ATP8B4: variants seen among roughly 807,000 people sequenced by gnomAD.
ATP8B4 encodes the protein ATPase phospholipid transporting 8B4 (putative).
In ATP8B4, 133 loss-of-function variants were observed where a neutral mutation model predicts 145.6. That is an observed-to-expected ratio of 0.91 (90% confidence interval 0.79 to 1.05). The LOEUF is 1.05. ATP8B4 is among the 50% of genes least tolerant of loss of function. ATP8B4 has a pLI of 0.00. For synonymous variants in ATP8B4, 507 were observed against 492.9 expected, an observed-to-expected ratio of 1.03 and a Z score of -0.38; for missense variants, 1,458 against 1,425.2, an observed-to-expected ratio of 1.02 and a Z score of -0.37.
At chr15:49,918,795 T>C in intron 19 of ATP8B4, 44 bp downstream of exon 19, 1 of 1,408,456 alleles carries the variant, frequency 7.1e-7, no homozygotes, top group Non-Finnish European at 1.0e-6. Context: ...ATATAAGTCA[T>C]CTCCCCATTT....
At chr15:50,086,011 T>A (rs1243657339) in intron 2 of ATP8B4, among the ~76,000 whole-genome samples, 1 of 72,866 alleles carries the variant, frequency 1.4e-5, no homozygotes, top group Non-Finnish European at 2.4e-5. Context: ...ATATATAATA[T>A]ATATAGATCT....
intron 1 of ATP8B4, among the ~76,000 whole-genome samples, chr15:50,108,113 T>C (rs924684454): frequency 3.3e-5 from 5 of 152,066 alleles, no homozygotes. Flanking sequence ...TCATCAAATA[T>C]GACCCCATCA....
chr15:49,861,402 A>ATG (rs58396806), intron 27 of ATP8B4, among the ~76,000 whole-genome samples: 8,602 of 95,126 alleles, frequency 0.09, 459 homozygotes, highest in Middle Eastern at 0.15. Context: ...TTAAAAAAAA[A>ATG]TGTGTGTGTG....
chr15:50,051,891 T>C (rs774401132), intron 3 of ATP8B4, among the ~76,000 whole-genome samples: 1 of 152,198 alleles, frequency 6.6e-6, no homozygotes, highest in Non-Finnish European at 1.5e-5. Flanking sequence ...ACAGAAACTA[T>C]GACAATTTTC....
At chr15:50,088,130 G>A (rs757459826) in intron 2 of ATP8B4, among the ~76,000 whole-genome samples, 2 of 152,096 alleles carry the variant, frequency 1.3e-5, no homozygotes, top group African/African-American at 2.4e-5. Context: ...GCTCACACCT[G>A]TAATCCCAGC....
At chr15:50,071,534 G>A (rs1278761784) in intron 3 of ATP8B4, among the ~76,000 whole-genome samples, 2 of 152,130 alleles carry the variant, frequency 1.3e-5, no homozygotes, top group African/African-American at 2.4e-5. Flanking sequence ...AGTTATTGCT[G>A]GGTATTTTTC....
At chr15:50,082,038 T>C (rs886576851) in intron 2 of ATP8B4, among the ~76,000 whole-genome samples, 2 of 152,232 alleles carry the variant, frequency 1.3e-5, no homozygotes, top group African/African-American at 4.8e-5. Context: ...TGTGGGTTTT[T>C]TGGGGTTGGG....
intron 6 of ATP8B4, among the ~76,000 whole-genome samples, chr15:50,023,455 C>A (rs1324773431): frequency 6.6e-6 from 1 of 152,118 alleles, no homozygotes; most frequent in African/African-American, 2.4e-5. Context: ...CAGTCCTTTG[C>A]ATATTTGTTT....
chr15:49,893,419 C>T (rs2037044299), intron 23 of ATP8B4, among the ~76,000 whole-genome samples: 1 of 152,088 alleles, frequency 6.6e-6, no homozygotes, highest in East Asian at 1.9e-4. Context: ...TAGATGGATA[C>T]ATGGATAAAC....
Position 50,027,383 on chromosome 15 carries a change from A to G in ATP8B4, c.362+11385T>C, listed in dbSNP as rs556492992. The stretch of plus-strand genomic sequence containing the variant: ...ATTTAAATATGGGATGGATGGGTGG[A>G]TGGATGGATGGATGGATGGATGGAT... On this transcript the variant is annotated intron_variant, in intron 6 of 27. Coordinates refer to ENST00000284509, the MANE Select transcript of ATP8B4 (RefSeq NM_024837.4). Among the ~76,000 whole-genome samples the G allele has an allele frequency of 1.0e-3, 151 of 150,090 alleles. 1 individual carries two copies. The highest frequency in any genetic ancestry group is 1.8e-3 in the Non-Finnish European group (125 of 67,826).
chr15:49,958,585 A>G lies in ATP8B4; in HGVS notation c.1287+3392T>C, dbSNP rs527793654. Among the ~76,000 whole-genome samples the G allele has an allele frequency of 2.4e-4, 37 of 152,020 alleles. No individual in the cohort carries two copies. The South Asian group carries it at 7.2e-3, about 30-fold the overall frequency. On this transcript the variant is annotated intron_variant, in intron 14 of 27. Transcript: ENST00000284509. ...AAGAACCACAGATAAAGAGGAAATT[A>G]AAAGACCTATGAGTCTTTTCAAATA...
intron 1 of ATP8B4, among the ~76,000 whole-genome samples, chr15:50,147,014 G>A (rs898947743): frequency 1.3e-5 from 2 of 152,226 alleles, no homozygotes; most frequent in African/African-American, 4.8e-5. Context: ...CATTATGGGA[G>A]GGTTGTTTTT....
chr15:50,075,035 C>T (rs2054087479), intron 2 of ATP8B4, among the ~76,000 whole-genome samples: 1 of 152,072 alleles, frequency 6.6e-6, no homozygotes, highest in East Asian at 1.9e-4. Context: ...GTGACTTGAC[C>T]CTCTCACCAT....
Position 50,090,813 on chromosome 15 carries a change from C to T in ATP8B4, c.28+16126G>A, listed in dbSNP as rs2055563316. On this transcript the variant is annotated intron_variant, in intron 2 of 27. Coordinates refer to ENST00000284509, the MANE Select transcript of ATP8B4 (RefSeq NM_024837.4). ...GTGTTACCAGGGCTGGTCTCAAACT[C>T]TTGGGCTCAAAAGATTCTCTAGCCT... Among the ~76,000 whole-genome samples the T allele has an allele frequency of 2.0e-5, 3 of 151,726 alleles. No individual in the cohort carries two copies. The South Asian group carries it at 6.2e-4, about 31-fold the overall frequency.
chr15:50,162,699 G>C (rs1028285147), intron 1 of ATP8B4, among the ~76,000 whole-genome samples: 1 of 151,856 alleles, frequency 6.6e-6, no homozygotes, highest in African/African-American at 2.4e-5. Flanking sequence ...GTAGAGGCGG[G>C]GTTTCACTGT....
chr15:50,083,086 C>T (rs958846421), intron 2 of ATP8B4, among the ~76,000 whole-genome samples: 1 of 152,148 alleles, frequency 6.6e-6, no homozygotes, highest in South Asian at 2.1e-4. Flanking sequence ...AAATGCAATA[C>T]TCCAGATGTA....
intron 1 of ATP8B4, among the ~76,000 whole-genome samples, chr15:50,151,734 C>A (rs900471225): frequency 3.6e-5 from 3 of 82,822 alleles, no homozygotes; most frequent in Non-Finnish European, 4.7e-5. Flanking sequence ...GAGTGAGAAC[C>A]TGTCTCAAAA....
chr15:49,991,405 C>T (rs2047036263), intron 9 of ATP8B4, among the ~76,000 whole-genome samples: 1 of 152,130 alleles, frequency 6.6e-6, no homozygotes, highest in African/African-American at 2.4e-5. Flanking sequence ...GCAAAAGATT[C>T]TTAAACACAT....
rs950978623 is a variant in ATP8B4 at position 50,023,701 on chromosome 15, G to A, written c.363-12784C>T. On this transcript the variant is annotated intron_variant, in intron 6 of 27. Transcript: ENST00000284509. ...AGACAGCCACCAAAACAGAATGAAA[G>A]GTGTCCCTGGTAACCTAGTGTGGAA... Among the ~76,000 whole-genome samples, 6 of 147,154 alleles carry A rather than the reference G, an allele frequency of 4.1e-5. No individual in the cohort carries two copies. The East Asian group carries it at 6.1e-4, about 15-fold the overall frequency.
Sources: allele counts gnomAD v4.1 joint callset (sites outside exome capture counted in the v4.1 genomes callset), GRCh38; gene constraint gnomAD v4.1.1; transcripts MANE v1.5; gene names NCBI Gene and HGNC (gene_info 2026-07-23, HGNC 2026-07-21).